Variants in AHI1 observed in about 807,000 individuals in gnomAD.
AHI1 encodes jouberin.
In AHI1, 123 loss-of-function variants were observed where a neutral mutation model predicts 149.3. The observed-to-expected ratio is 0.82, with a 90% confidence interval of 0.71 to 0.96. The LOEUF (loss-of-function observed/expected upper bound fraction) is 0.96. AHI1 is among the 40% of genes least tolerant of loss of function. AHI1 has a pLI of 0.00. For missense variants in AHI1, 1,439 were observed against 1,422.7 expected (o/e 1.01, Z -0.18); for synonymous variants, 475 against 459.8 (o/e 1.03, Z -0.42).
chr6:135,455,659 TA>T, intron 10 of AHI1, 74 bp downstream of exon 10: 1 of 1,186,976 alleles, frequency 8.4e-7, no homozygotes, highest in Non-Finnish European at 1.1e-6. Flanking sequence ...ACTGGACTAC[TA>T]AAAATAATAG....
chr6:135,364,960 C>T (rs1477774383), intron 23 of AHI1, among the ~76,000 whole-genome samples: 2 of 148,640 alleles, frequency 1.3e-5, no homozygotes, highest in East Asian at 2.0e-4. Flanking sequence ...GGAGTGGGAG[C>T]GGGAGCGTCT....
chr6:135,490,850 A>G (rs1021246045), intron 4 of AHI1, 103 bp from the exon 5 acceptor site: 2 of 1,381,504 alleles, frequency 1.4e-6, no homozygotes, highest in Non-Finnish European at 2.0e-6. Context: ...TATCGGCATG[A>G]GTTCTCTAGC....
At chr6:135,416,289 C>T (rs965522956) in intron 20 of AHI1, among the ~76,000 whole-genome samples, 4 of 151,216 alleles carry the variant, frequency 2.6e-5, no homozygotes, top group Non-Finnish European at 4.4e-5. Flanking sequence ...AGAAAATTCA[C>T]AAAAGAACTG....
chr6:135,290,942 A>AC (rs1782282605), intron 27 of AHI1, among the ~76,000 whole-genome samples: 8 of 151,878 alleles, frequency 5.3e-5, no homozygotes, highest in African/African-American at 1.7e-4. Flanking sequence ...ACACACACAC[A>AC]AAAGTATAGG....
In AHI1 at chr6:135,318,626, GA is replaced by G; in HGVS notation, c.3329-11del. 6.4e-7 allele frequency: 1 copy of G among 1,568,262 alleles called. No homozygotes were observed. Among genetic ancestry groups the G allele is most frequent in the Non-Finnish European group, 8.7e-7 (1 of 1,152,116 alleles). On this transcript the variant is annotated splice_polypyrimidine_tract_variant and intron_variant, in intron 25 of 28. Coordinates refer to ENST00000265602, the MANE Select transcript of AHI1 (RefSeq NM_001134831.2). ...AGTTCTTGATACAGTGCTGAAATTG[GA>G]AAAAGGAATTCATGTAATCAAATTG...
chr6:135,424,825 T>A (rs1003071688), intron 20 of AHI1, among the ~76,000 whole-genome samples: 1 of 151,968 alleles, frequency 6.6e-6, no homozygotes, highest in Non-Finnish European at 1.5e-5. Context: ...TAATTTTTTT[T>A]AAACACCACT....
At chr6:135,337,734 C>T (rs1789609621) in intron 24 of AHI1, among the ~76,000 whole-genome samples, 1 of 139,822 alleles carries the variant, frequency 7.2e-6, no homozygotes, top group African/African-American at 2.8e-5. Flanking sequence ...TACTGCACTC[C>T]AGCCTGGGTT....
At chr6:135,438,256 G>C in intron 15 of AHI1, 119 bp downstream of exon 15, 1 of 968,484 alleles carries the variant, frequency 1.0e-6, no homozygotes, top group Non-Finnish European at 1.4e-6. Context: ...GCATATTTAT[G>C]ACAGTCCCTT....
chr6:135,360,985 C>T (rs939667077), intron 23 of AHI1, among the ~76,000 whole-genome samples: 1 of 152,170 alleles, frequency 6.6e-6, no homozygotes, highest in African/African-American at 2.4e-5. Flanking sequence ...TGAAGTTTAG[C>T]ATTTTGCTAT....
rs1786328667 is a variant in AHI1, at chr6:135,318,589, A to C, written c.3356T>G (p.Ile1119Arg). ...GCTTAAAGGAGGGGATCGCTCCTTT[A>C]TCTCAGGAGGCAGTTCTTGATACAG... ...ETLYQELPPEIKERSPPLSPE... is the reference protein window; with the variant it reads ...ETLYQELPPERKERSPPLSPE... Residue 1119 changes from isoleucine to arginine, a missense_variant, in exon 26 of 29, where the codon ATA (isoleucine) becomes AGA (arginine). Coordinates refer to ENST00000265602, the MANE Select transcript of AHI1 (RefSeq NM_001134831.2). 1 of 1,605,212 alleles carries C rather than the reference A, an allele frequency of 6.2e-7. No homozygotes were observed. Among genetic ancestry groups the C allele is most frequent in the South Asian group, 1.1e-5 (1 of 88,606 alleles).
At chr6:135,314,751 T>C (rs1423401609) in intron 26 of AHI1, among the ~76,000 whole-genome samples, 2 of 152,186 alleles carry the variant, frequency 1.3e-5, no homozygotes, top group East Asian at 1.9e-4. Flanking sequence ...GAGTTAACAA[T>C]GGCCTCCTCT....
In AHI1 at chr6:135,371,090, T is replaced by G. The variant is rs542371702; in HGVS notation, c.3110-12903A>C. 1.2e-4 allele frequency among the ~76,000 whole-genome samples: 18 copies of G among 152,306 alleles called. No individual in the cohort carries two copies. The South Asian group carries it at 1.5e-3, about 12-fold the overall frequency. On this transcript the variant is annotated intron_variant, in intron 23 of 28. Transcript: ENST00000265602. Reference sequence around the variant, plus strand: ...TTTTATATAGTTAAGTTTAAAGAGATAAAAATGCATGGGAATTTGTAGAAG... The same window carrying G: ...TTTTATATAGTTAAGTTTAAAGAGAGAAAAATGCATGGGAATTTGTAGAAG...
intron 23 of AHI1, among the ~76,000 whole-genome samples, chr6:135,384,168 T>C (rs564978558): frequency 1.6e-4 from 24 of 152,336 alleles, no homozygotes; most frequent in African/African-American, 5.1e-4. Flanking sequence ...AATATAGATT[T>C]TAACATAAGA....
At chr6:135,319,779 A>T (rs1222599166) in intron 25 of AHI1, among the ~76,000 whole-genome samples, 1 of 152,156 alleles carries the variant, frequency 6.6e-6, no homozygotes, top group Admixed American at 6.5e-5. Context: ...TTGTATGTGG[A>T]GTGATTTTAT....
intron 28 of AHI1, among the ~76,000 whole-genome samples, chr6:135,288,497 CAA>C (rs1193996060): frequency 1.3e-5 from 2 of 151,818 alleles, no homozygotes; most frequent in Admixed American, 1.3e-4. Context: ...AGAAAATGCA[CAA>C]AGTTAAAATA....
chr6:135,438,298 G>A, intron 15 of AHI1, 77 bp downstream of exon 15: 3 of 1,318,950 alleles, frequency 2.3e-6, no homozygotes, highest in Non-Finnish European at 3.0e-6. Context: ...CATAAGAGTA[G>A]TTACATCAGT....
chr6:135,379,996 C>G (rs1294607045), intron 23 of AHI1, among the ~76,000 whole-genome samples: 3 of 115,622 alleles, frequency 2.6e-5, no homozygotes, highest in Non-Finnish European at 3.6e-5. Context: ...CCCTCCCTCC[C>G]CTTCCCCTCT....
chr6:135,366,499 T>A (rs1774211416), intron 23 of AHI1, among the ~76,000 whole-genome samples: 1 of 152,208 alleles, frequency 6.6e-6, no homozygotes, highest in African/African-American at 2.4e-5. Flanking sequence ...TCTATTTTTA[T>A]GCTGTTTTAT....
At chr6:135,382,926 A>AATATATATATATAT (rs1217996100) in intron 23 of AHI1, among the ~76,000 whole-genome samples, 2 of 30,510 alleles carry the variant, frequency 6.6e-5, no homozygotes, top group Admixed American at 5.5e-4. Context: ...AAAAAAAAAA[A>AATATATATATATAT]ATATATATAT....
Sources: gnomAD v4.1 joint callset for allele counts (sites outside exome capture counted in the v4.1 genomes callset) on GRCh38, gnomAD v4.1.1 for gene constraint, MANE v1.5 for transcripts, NCBI Gene and HGNC (gene_info 2026-07-23, HGNC 2026-07-21) for gene names.